The following PLCB1 variants were observed in gnomAD, a reference collection of about 807,000 sequenced individuals.
PLCB1 encodes the protein 1-phosphatidylinositol 4,5-bisphosphate phosphodiesterase beta-1.
In PLCB1, 46 loss-of-function variants were observed where a neutral mutation model predicts 161.8. The observed-to-expected ratio is 0.28, with a 90% CI of 0.22 to 0.36. PLCB1 has a LOEUF of 0.36. Among genes scored for constraint, PLCB1 ranks in the 10% least tolerant of loss-of-function variants. The probability of loss-of-function intolerance (pLI) is 1.00; values close to 1 mark genes in which losing one functional copy is unlikely to be tolerated. For synonymous variants in PLCB1, 517 were observed against 503.7 expected, an observed-to-expected ratio of 1.03 and a Z score of -0.35; for missense variants, 1,016 against 1,472.5, an observed-to-expected ratio of 0.69 and a Z score of 5.07.
intron 2 of PLCB1, among the ~76,000 whole-genome samples, chr20:8,236,447 C>T (rs1011234150): frequency 2.6e-5 from 4 of 151,906 alleles, no homozygotes; most frequent in African/African-American, 9.7e-5. Context: ...GCGGGAGGAT[C>T]GCTTGAGCCC....
intron 3 of PLCB1, among the ~76,000 whole-genome samples, chr20:8,484,288 G>C (rs1357763182): frequency 2.0e-5 from 3 of 151,810 alleles, no homozygotes; most frequent in Non-Finnish European, 4.4e-5. Flanking sequence ...GCCTCCCAAA[G>C]TGCTGGGATT....
At chr20:8,237,631 A>G (rs1980393686) in intron 2 of PLCB1, among the ~76,000 whole-genome samples, 2 of 152,132 alleles carry the variant, frequency 1.3e-5, no homozygotes, top group South Asian at 4.1e-4. Context: ...AATAATTATA[A>G]CTATATCTTA....
At chr20:8,762,850 A>G (rs1287809251) in intron 25 of PLCB1, among the ~76,000 whole-genome samples, 1 of 152,258 alleles carries the variant, frequency 6.6e-6, no homozygotes, top group Non-Finnish European at 1.5e-5. Flanking sequence ...TTCACTAGAC[A>G]TCTTATTTTC....
intron 3 of PLCB1, among the ~76,000 whole-genome samples, chr20:8,478,045 T>G (rs1982352918): frequency 6.6e-6 from 1 of 152,214 alleles, no homozygotes; most frequent in Non-Finnish European, 1.5e-5. Flanking sequence ...GAAGGAAATT[T>G]AATCAATAAT....
At chr20:8,293,715 C>T (rs1229661460) in intron 2 of PLCB1, among the ~76,000 whole-genome samples, 1 of 152,042 alleles carries the variant, frequency 6.6e-6, no homozygotes, top group African/African-American at 2.4e-5. Flanking sequence ...ACCTCAGGGA[C>T]CCTCAAAGGG....
chr20:8,327,894 T>TTATA (rs71862056), intron 2 of PLCB1, among the ~76,000 whole-genome samples: 220 of 150,864 alleles, frequency 1.5e-3, no homozygotes, highest in African/African-American at 5.1e-3. Context: ...ATATGTATAG[T>TTATA]TATATATATA....
chr20:8,787,528 A>AGAGGAT (rs1187952747), intron 27 of PLCB1, among the ~76,000 whole-genome samples: 3 of 152,224 alleles, frequency 2.0e-5, no homozygotes, highest in Admixed American at 6.5e-5. Context: ...GGGGGCTTTC[A>AGAGGAT]GAGGATGTCC....
intron 31 of PLCB1, among the ~76,000 whole-genome samples, chr20:8,842,951 A>G (rs563805863): frequency 2.7e-4 from 41 of 152,286 alleles, no homozygotes; most frequent in African/African-American, 9.6e-4. Context: ...GGTATAAGAC[A>G]ATATGATGGG....
intron 31 of PLCB1, among the ~76,000 whole-genome samples, chr20:8,874,927 C>T (rs1332174382): frequency 1.3e-5 from 2 of 151,648 alleles, no homozygotes; most frequent in Non-Finnish European, 2.9e-5. Context: ...CAAATTATTG[C>T]CCAATGTTTC....
intron 2 of PLCB1, among the ~76,000 whole-genome samples, chr20:8,273,073 A>C (rs1982362701): frequency 6.6e-6 from 1 of 152,218 alleles, no homozygotes. Flanking sequence ...AGACTGATGC[A>C]ATAATAAGTT....
chr20:8,462,377 T>C (rs1981619263), intron 3 of PLCB1, among the ~76,000 whole-genome samples: 1 of 152,152 alleles, frequency 6.6e-6, no homozygotes, highest in South Asian at 2.1e-4. Flanking sequence ...TCATGATTTA[T>C]GTATAGGTTG....
At chr20:8,259,937 G>A (rs1199673745) in intron 2 of PLCB1, among the ~76,000 whole-genome samples, 1 of 152,030 alleles carries the variant, frequency 6.6e-6, no homozygotes, top group Non-Finnish European at 1.5e-5. Context: ...ACATAAGCAT[G>A]TAACTTTCAG....
intron 3 of PLCB1, among the ~76,000 whole-genome samples, chr20:8,515,002 G>A (rs1180919900): frequency 6.6e-6 from 1 of 152,088 alleles, no homozygotes; most frequent in Non-Finnish European, 1.5e-5. Context: ...TGAGTAATAA[G>A]GTCTTAGATT....
chr20:8,823,272 G>C (rs1412093391), intron 31 of PLCB1, among the ~76,000 whole-genome samples: 1 of 152,136 alleles, frequency 6.6e-6, no homozygotes, highest in African/African-American at 2.4e-5. Context: ...ACAGGCATGC[G>C]CCACTGCGCC....
intron 4 of PLCB1, among the ~76,000 whole-genome samples, chr20:8,635,040 C>T (rs1249636292): frequency 1.3e-5 from 2 of 152,168 alleles, no homozygotes; most frequent in Admixed American, 6.5e-5. Flanking sequence ...TATCTCATGA[C>T]TTCCATGCAT....
At chr20:8,722,161 G>GAA (rs11480751) in intron 14 of PLCB1, among the ~76,000 whole-genome samples, 193 bp from the exon 15 acceptor site, 5 of 151,964 alleles carry the variant, frequency 3.3e-5, no homozygotes, top group Non-Finnish European at 7.3e-5. Context: ...TCCAGTTTAG[G>GAA]AAAAAATCTA....
At chr20:8,427,209 C>T (rs550989807) in intron 3 of PLCB1, among the ~76,000 whole-genome samples, 1 of 152,096 alleles carries the variant, frequency 6.6e-6, no homozygotes, top group East Asian at 1.9e-4. Context: ...CTGTGCCCAG[C>T]CAGAAAAAGA....
intron 2 of PLCB1, among the ~76,000 whole-genome samples, chr20:8,268,062 A>T (rs1982069643): frequency 6.6e-6 from 1 of 151,914 alleles, no homozygotes; most frequent in Non-Finnish European, 1.5e-5. Flanking sequence ...GGTGTGCTGC[A>T]CCCATTAACT....
intron 2 of PLCB1, among the ~76,000 whole-genome samples, chr20:8,332,327 A>T (rs563415632): frequency 1.3e-5 from 2 of 152,340 alleles, no homozygotes; most frequent in East Asian, 3.9e-4. Context: ...AAAGTCAATG[A>T]CAGATTTTAT....
Sources: gnomAD v4.1 joint callset for allele counts (sites outside exome capture counted in the v4.1 genomes callset) on GRCh38, gnomAD v4.1.1 for gene constraint, MANE v1.5 for transcripts, NCBI Gene and HGNC (gene_info 2026-07-23, HGNC 2026-07-21) for gene names.